The following CFHR4 variants were observed in gnomAD, a reference collection of about 807,000 sequenced individuals.
The protein encoded by CFHR4 is complement factor H related 4.
A neutral mutation model predicts 69.3 loss-of-function variants in CFHR4; 64 were observed. That is an observed-to-expected ratio of 0.92 (90% CI 0.76 to 1.14). The LOEUF (loss-of-function observed/expected upper bound fraction) is 1.14, where lower values mean the gene tolerates loss of function less well. Ranked by LOEUF, CFHR4 falls within the 50% of genes most tolerant of loss-of-function variation. CFHR4 has a pLI of 0.00. For synonymous variants in CFHR4, 244 were observed against 237.0 expected (o/e 1.03, Z -0.27); for missense variants, 636 against 684.9 (o/e 0.93, Z 0.80).
At chr1:196,897,532 T>C (rs1027445056) in intron 1 of CFHR4, among the ~76,000 whole-genome samples, 4 of 151,372 alleles carry the variant, frequency 2.6e-5, no homozygotes, top group Non-Finnish European at 5.9e-5. Context: ...AAGGTTTTAT[T>C]GAGTGATGGC....
Position 196,907,002 on chromosome 1 carries a change from G to A in CFHR4, c.581G>A (p.Gly194Asp). 1 of 1,612,012 alleles carries A rather than the reference G, an allele frequency of 6.2e-7. No individual in the cohort carries two copies. The highest frequency in any genetic ancestry group is 1.1e-5 in the South Asian group (1 of 90,890). ...AACACCACAGATTCCATAGTGTGTG[G>A]TGAAGATGGCTGGTCCCATTTGCCA... ...YGNTTDSIVCGEDGWSHLPTC... is the reference protein window; with the variant it reads ...YGNTTDSIVCDEDGWSHLPTC... Residue 194 changes from glycine (G) to aspartate (D), a missense_variant, in exon 4 of 10, where the codon GGT (glycine) becomes GAT (aspartate). This residue lies in a region of CFHR4 where 529 missense variants were observed against 533.2 expected (regional missense o/e 0.99). Transcript: ENST00000608469.
rs952329713 is a variant in CFHR4, at chr1:196,892,826, A to G, written c.58+4618A>G. Reference sequence around the variant, plus strand: ...AGCATTCAAGTCAAAAAGAATTTTTATTTTTTTGTTGGCAGATTTACCTAG... The same window carrying G: ...AGCATTCAAGTCAAAAAGAATTTTTGTTTTTTTGTTGGCAGATTTACCTAG... On this transcript the variant is annotated intron_variant, in intron 1 of 9. Coordinates refer to ENST00000608469, the MANE Select transcript of CFHR4 (RefSeq NM_001201550.3). Among the ~76,000 whole-genome samples the G allele has an allele frequency of 2.9e-4, 44 of 151,590 alleles. 1 individual carries two copies. The highest frequency in any genetic ancestry group is 4.6e-4 in the African/African-American group (19 of 41,208).
At chr1:196,895,483 T>C (rs941440161) in intron 1 of CFHR4, among the ~76,000 whole-genome samples, 1 of 151,584 alleles carries the variant, frequency 6.6e-6, no homozygotes, top group Non-Finnish European at 1.5e-5. Flanking sequence ...TTTTCTGTTA[T>C]TCAGATTCAA....
At chr1:196,900,403 A>T (rs1172225063) in intron 1 of CFHR4, among the ~76,000 whole-genome samples, 1 of 149,964 alleles carries the variant, frequency 6.7e-6, no homozygotes, top group Admixed American at 6.7e-5. Context: ...AAGAAAAGTC[A>T]TGAAGTGGCT....
At chr1:196,905,393 A>G in intron 3 of CFHR4, 103 bp downstream of exon 3, 1 of 1,484,788 alleles carries the variant, frequency 6.7e-7, no homozygotes, top group South Asian at 1.2e-5. Flanking sequence ...TTAGGAGTAA[A>G]GAGATATAAA....
At position 196,906,875 on chromosome 1, in the gene CFHR4, C is replaced by A. The variant is rs1252357245; in HGVS notation, c.454C>A (p.Pro152Thr). ...QPICIKFCDM[P>T]VFENSRAKSN... is the part of the protein sequence containing the mutation. ...TTTTGTTTCAGAATTTTGTGATATG[C>A]CTGTTTTTGAGAATTCCAGAGCCAA... The change falls in exon 4 of 10, where the codon CCT (proline) becomes ACT (threonine). Residue 152 changes from proline (P) to threonine (T), a missense_variant. By Grantham distance (38) the Pro-to-Thr change is conservative. Coordinates refer to ENST00000608469, the MANE Select transcript of CFHR4 (RefSeq NM_001201550.3). The A allele has an allele frequency of 1.2e-6, 2 of 1,600,746 alleles. No individual in the cohort carries two copies. Among genetic ancestry groups the A allele is most frequent in the African/African-American group, 1.4e-5 (1 of 73,594 alleles).
chr1:196,897,750 C>G (rs1295637495), intron 1 of CFHR4, among the ~76,000 whole-genome samples: 1 of 151,278 alleles, frequency 6.6e-6, no homozygotes, highest in Non-Finnish European at 1.5e-5. Flanking sequence ...GTATGTGTGC[C>G]CGCTAAGGTG....
Position 196,914,599 on chromosome 1 carries a change from A to G in CFHR4, c.1285A>G (p.Ile429Val), listed in dbSNP as rs1658472730. The G allele has an allele frequency of 4.3e-6, 7 of 1,612,042 alleles. No individual in the cohort carries two copies. The highest frequency in any genetic ancestry group is 5.9e-6 in the Non-Finnish European group (7 of 1,179,246). The change falls in exon 8 of 10, where the codon ATC becomes GTC. Residue 429 changes from isoleucine to valine, a missense_variant. Physicochemically the swap from Ile to Val is conservative, Grantham distance 29. Around this residue, in one of 3 missense-constraint regions of CFHR4, gnomAD observed 529 missense variants for 533.2 expected, o/e 0.99. Transcript: ENST00000608469. ...LDYECYDGYE[I>V]SYGNTTGSIV... is the part of the protein sequence containing the mutation. Reference sequence around the variant, plus strand: ...CTACGAATGCTACGATGGATATGAAATCAGTTATGGAAACACCACAGGTTC... The same window carrying G: ...CTACGAATGCTACGATGGATATGAAGTCAGTTATGGAAACACCACAGGTTC...
Position 196,910,351 on chromosome 1 carries a change from C to T in CFHR4, c.870C>T (p.Tyr290=). The change falls in exon 6 of 10, where the codon TAC becomes TAT. Residue 290 remains tyrosine, a synonymous_variant. Transcript: ENST00000608469. ...ATTATGAGAATACGCGTAGACCATA[C>T]TTTCCAGTAGCTACAGGACAATCTT... The part of the protein sequence containing the change: ...HLYYENTRRP[Y]FPVATGQSYS... 6.2e-7 allele frequency: 1 copy of T among 1,611,890 alleles called. No homozygotes were observed. Among genetic ancestry groups the T allele is most frequent in the Non-Finnish European group, 8.5e-7 (1 of 1,178,974 alleles).
intron 1 of CFHR4, among the ~76,000 whole-genome samples, chr1:196,898,006 T>C (rs1173848072): frequency 1.3e-5 from 2 of 151,524 alleles, no homozygotes. Flanking sequence ...ACATGGATGG[T>C]TAACACTGTA....
chr1:196,912,291 G>C (rs1418727545), intron 6 of CFHR4, among the ~76,000 whole-genome samples: 2 of 151,306 alleles, frequency 1.3e-5, no homozygotes, highest in Non-Finnish European at 2.9e-5. Flanking sequence ...TGGAGACAAC[G>C]GATTTACAAA....
At chr1:196,909,831 A>C (rs1355014015) in intron 5 of CFHR4, among the ~76,000 whole-genome samples, 2 of 151,116 alleles carry the variant, frequency 1.3e-5, no homozygotes, top group Non-Finnish European at 2.9e-5. Flanking sequence ...GAACTTAAAA[A>C]ATAATTATAA....
rs751607261 is a variant in CFHR4 at position 196,910,445 on chromosome 1, C to T, written c.964C>T (p.Gln322Ter). ...GSYWDYIHCTQDGWLPTVPCL... is the reference protein window; with the variant it reads ...GSYWDYIHCT ...TTACTGGGATTACATTCACTGCACA[C>T]AAGATGGGTGGTTGCCAACAGTCCC... The change falls in exon 6 of 10, where the codon CAA (glutamine) becomes TAA (stop). Residue 322 changes from glutamine to a stop codon, truncating the protein, a stop_gained. Coordinates refer to ENST00000608469, the MANE Select transcript of CFHR4 (RefSeq NM_001201550.3). LOFTEE classifies it high-confidence loss of function. 1 of 1,612,664 alleles carries T rather than the reference C, an allele frequency of 6.2e-7. No homozygotes were observed. Among genetic ancestry groups the T allele is most frequent in the African/African-American group, 1.3e-5 (1 of 74,408 alleles).
chr1:196,910,476 T>C lies in CFHR4; in HGVS notation c.995T>C (p.Leu332Pro). 1.9e-6 allele frequency: 3 copies of C among 1,609,706 alleles called. No individual in the cohort carries two copies. Among genetic ancestry groups the C allele is most frequent in the Non-Finnish European group, 2.5e-6 (3 of 1,177,296 alleles). ...GGGTGGTTGCCAACAGTCCCATGCCTCAGTAAGCAAACCTCTTTACAACAA... is the reference window on the plus strand; with the variant it reads ...GGGTGGTTGCCAACAGTCCCATGCCCCAGTAAGCAAACCTCTTTACAACAA... The part of the protein sequence containing the change: ...QDGWLPTVPC[L>P]RTCSKSDIEI... The change falls in exon 6 of 10, where the codon CTC becomes CCC. Residue 332 changes from leucine to proline, a missense_variant and splice_region_variant. This residue lies in a region of CFHR4 where 529 missense variants were observed against 533.2 expected (regional missense o/e 0.99). Transcript: ENST00000608469.
In CFHR4 at chr1:196,916,625, C is replaced by A. The variant is rs180895910; in HGVS notation, c.1540+1487C>A. On this transcript the variant is annotated intron_variant, in intron 9 of 9. Transcript: ENST00000608469. ...AGACTGAAGAAGAAATTAGTATCCTCAAATCAAAATAGTTTACAAGTATCT... is the reference window on the plus strand; with the variant it reads ...AGACTGAAGAAGAAATTAGTATCCTAAAATCAAAATAGTTTACAAGTATCT... Among the ~76,000 whole-genome samples, 484 of 151,866 alleles carry A rather than the reference C, an allele frequency of 3.2e-3. 4 individuals carry two copies. Among genetic ancestry groups the A allele is most frequent in the African/African-American group, 0.011 (451 of 41,316 alleles).
At chr1:196,916,154 C>G (rs567811119) in intron 9 of CFHR4, among the ~76,000 whole-genome samples, 1 of 151,504 alleles carries the variant, frequency 6.6e-6, no homozygotes, top group African/African-American at 2.4e-5. Flanking sequence ...AGGTATACTT[C>G]TAGAATTTTG....
chr1:196,907,508 T>C lies in CFHR4; in HGVS notation c.799+10T>C. The C allele has an allele frequency of 6.3e-7, 1 of 1,598,440 alleles. No individual in the cohort carries two copies. The highest frequency in any genetic ancestry group is 8.5e-7 in the Non-Finnish European group (1 of 1,170,326). On this transcript the variant is annotated intron_variant, in intron 5 of 9. Coordinates refer to ENST00000608469, the MANE Select transcript of CFHR4 (RefSeq NM_001201550.3). ...CCACCAAGATGCATATGTAAGTTCT[T>C]AATATTCTGGATCTGAGAAAATTAG...
intron 1 of CFHR4, among the ~76,000 whole-genome samples, chr1:196,894,877 C>T (rs1483453742): frequency 2.2e-5 from 2 of 91,344 alleles, no homozygotes; most frequent in Non-Finnish European, 4.4e-5. Flanking sequence ...CATGGCAAAA[C>T]CCTGTCTCTA....
intron 5 of CFHR4, among the ~76,000 whole-genome samples, chr1:196,909,846 T>A (rs187515563): frequency 2.0e-4 from 30 of 150,150 alleles, no homozygotes; most frequent in East Asian, 3.9e-4. Context: ...TTATAAAATT[T>A]AAAAAAAAAT....
Sources: gnomAD v4.1 joint callset for allele counts (sites outside exome capture counted in the v4.1 genomes callset) on GRCh38, gnomAD v4.1.1 for gene constraint, gnomAD v4.1.1 regional missense constraint, MANE v1.5 for transcripts, NCBI Gene and HGNC (gene_info 2026-07-23, HGNC 2026-07-21) for gene names.